The following SLC39A12 variants were observed in gnomAD, a reference collection of about 807,000 sequenced individuals.
SLC39A12 encodes solute carrier family 39 member 12, also known as zinc transporter ZIP12.
A neutral mutation model predicts 71.1 loss-of-function variants in SLC39A12; 63 were observed. The ratio of observed to expected loss-of-function variants is 0.89; its 90% CI spans 0.72 to 1.09. The LOEUF (loss-of-function observed/expected upper bound fraction) is 1.09. SLC39A12 is among the 50% of genes least tolerant of loss of function. The pLI, the probability that SLC39A12 is intolerant of heterozygous loss-of-function variation, is 0.00. For synonymous variants in SLC39A12, 351 were observed against 301.3 expected (o/e 1.16, Z -1.71); for missense variants, 892 against 812.6 (o/e 1.10, Z -1.19).
chr10:17,978,810 G>C (rs1835181760), intron 5 of SLC39A12, among the ~76,000 whole-genome samples: 1 of 152,128 alleles, frequency 6.6e-6, no homozygotes, highest in South Asian at 2.1e-4. Context: ...CCTAACGTGG[G>C]ACACCAGATT....
chr10:17,976,893 A>T (rs1431596575), intron 4 of SLC39A12, among the ~76,000 whole-genome samples: 1 of 152,074 alleles, frequency 6.6e-6, no homozygotes, highest in Non-Finnish European at 1.5e-5. Flanking sequence ...ATTTTTTCTA[A>T]TCCTTTCTCT....
intron 10 of SLC39A12, among the ~76,000 whole-genome samples, chr10:17,999,191 G>A (rs1001043280): frequency 9.9e-5 from 15 of 150,862 alleles, no homozygotes; most frequent in Admixed American, 2.0e-4. Context: ...CCAGCAACTC[G>A]GGAGGCTGAG....
intron 12 of SLC39A12, among the ~76,000 whole-genome samples, chr10:18,011,043 A>G (rs1168050552): frequency 3.3e-5 from 5 of 152,116 alleles, no homozygotes; most frequent in Admixed American, 6.5e-5. Flanking sequence ...AAACAAAATA[A>G]TACAAAGCCC....
At chr10:18,021,508 G>A (rs1195566416) in intron 12 of SLC39A12, among the ~76,000 whole-genome samples, 1 of 151,950 alleles carries the variant, frequency 6.6e-6, no homozygotes, top group Non-Finnish European at 1.5e-5. Context: ...GAGTCTATGG[G>A]TTTTCTTGCC....
At chr10:17,958,375 T>C (rs1221572989) in intron 2 of SLC39A12, among the ~76,000 whole-genome samples, 13 of 152,118 alleles carry the variant, frequency 8.5e-5, no homozygotes, top group Admixed American at 6.5e-4. Flanking sequence ...CACTTGAAAG[T>C]ATAACATAAA....
intron 12 of SLC39A12, among the ~76,000 whole-genome samples, chr10:18,039,030 C>A (rs1320500981): frequency 6.6e-6 from 1 of 152,174 alleles, no homozygotes; most frequent in Non-Finnish European, 1.5e-5. Flanking sequence ...TCAAAATAAT[C>A]GTGATGGTTC....
chr10:18,030,291 C>G (rs188809902), intron 12 of SLC39A12, among the ~76,000 whole-genome samples: 1 of 150,582 alleles, frequency 6.6e-6, no homozygotes, highest in East Asian at 1.9e-4. Context: ...GAGATGGAGT[C>G]TCTCTCTGTC....
At chr10:17,960,151 T>C (rs1254107664) in intron 2 of SLC39A12, among the ~76,000 whole-genome samples, 1 of 152,192 alleles carries the variant, frequency 6.6e-6, no homozygotes, top group Non-Finnish European at 1.5e-5. Flanking sequence ...CTAGGAAATA[T>C]GTATGGGAAA....
chr10:18,000,580 A>G, intron 10 of SLC39A12, 87 bp from the exon 11 acceptor site: 1 of 1,202,466 alleles, frequency 8.3e-7, no homozygotes, highest in Non-Finnish European at 1.2e-6. Flanking sequence ...TGTCAAGTGT[A>G]GGTGGGAAGG....
chr10:18,002,432 G>C (rs1401240224), intron 11 of SLC39A12: 1 of 152,254 alleles, frequency 6.6e-6, no homozygotes, highest in Non-Finnish European at 1.5e-5. Context: ...GTAGCCCCCA[G>C]TCCTCAACCC....
intron 12 of SLC39A12, among the ~76,000 whole-genome samples, chr10:18,020,410 A>G (rs1836502190): frequency 6.6e-6 from 1 of 152,080 alleles, no homozygotes; most frequent in Non-Finnish European, 1.5e-5. Flanking sequence ...GATACTGTGT[A>G]TAGTGCTGTG....
chr10:18,030,519 G>A (rs551289003), intron 12 of SLC39A12, among the ~76,000 whole-genome samples: 54 of 152,016 alleles, frequency 3.6e-4, no homozygotes, highest in South Asian at 1.5e-3. Flanking sequence ...GATTACAGGC[G>A]TGAGCCACCG....
intron 11 of SLC39A12, chr10:18,001,833 ATACTCTTTTAGTTATTTTTAAATG>A (rs1835843196): frequency 1.3e-5 from 2 of 151,850 alleles, no homozygotes; most frequent in Admixed American, 1.3e-4. Flanking sequence ...CTATCCAATT[ATACTCTTTTAGTTATTTTTAAATG>A]TACAAATTAA....
chr10:17,961,925 T>C, intron 3 of SLC39A12, 63 bp downstream of exon 3: 1 of 1,484,084 alleles, frequency 6.7e-7, no homozygotes, highest in Admixed American at 2.2e-5. Context: ...CCTTATTGTT[T>C]GTTCCTTATT....
At chr10:17,994,165 G>A (rs988700874) in intron 9 of SLC39A12, among the ~76,000 whole-genome samples, 2 of 152,142 alleles carry the variant, frequency 1.3e-5, no homozygotes, top group Non-Finnish European at 2.9e-5. Context: ...GGTGGGATTA[G>A]TTTTAAAAAT....
chr10:18,000,740 C>T lies in SLC39A12; in HGVS notation c.1674C>T (p.Ala558=). The stretch of plus-strand genomic sequence containing the variant: ...TGCATAATTTTGCAGATGGCCTAGC[C>T]ATAGGAGCAGCCTTCTCATCATCAT... ...DSLHNFADGL[A]IGAAFSSSSE... is the part of the protein sequence containing the mutation. Residue 558 remains alanine, a synonymous_variant, in exon 11 of 13, where the codon GCC becomes GCT. Transcript: ENST00000377369. 6.2e-7 allele frequency: 1 copy of T among 1,614,118 alleles called. No homozygotes were observed. The highest frequency in any genetic ancestry group is 8.5e-7 in the Non-Finnish European group (1 of 1,180,004).
At chr10:17,958,654 G>A (rs1049826452) in intron 2 of SLC39A12, among the ~76,000 whole-genome samples, 1 of 152,106 alleles carries the variant, frequency 6.6e-6, no homozygotes, top group African/African-American at 2.4e-5. Flanking sequence ...GTGTAGCTTT[G>A]GGCAAGTTTC....
intron 7 of SLC39A12, among the ~76,000 whole-genome samples, chr10:17,988,044 G>A (rs1022936612): frequency 6.6e-6 from 1 of 152,090 alleles, no homozygotes; most frequent in African/African-American, 2.4e-5. Flanking sequence ...CATGTTACAT[G>A]CACCGGTAGT....
intron 12 of SLC39A12, among the ~76,000 whole-genome samples, chr10:18,012,588 G>A (rs1456288389): frequency 6.6e-6 from 1 of 152,192 alleles, no homozygotes; most frequent in Non-Finnish European, 1.5e-5. Flanking sequence ...TGAAAGGGTG[G>A]CTGGGTGCGG....
Sources: gnomAD v4.1 joint callset for allele counts (sites outside exome capture counted in the v4.1 genomes callset) on GRCh38, gnomAD v4.1.1 for gene constraint, MANE v1.5 for transcripts, NCBI Gene and HGNC (gene_info 2026-07-23, HGNC 2026-07-21) for gene names.